The following SEM1 variants were observed in gnomAD, a reference collection of about 807,000 sequenced individuals.
The protein encoded by SEM1 is SEM1 26S proteasome subunit.
A neutral mutation model predicts 12.7 loss-of-function variants in SEM1; 3 were observed. That is an observed-to-expected ratio of 0.24 (90% CI 0.11 to 0.61). The LOEUF is 0.61. Among genes scored for constraint, SEM1 ranks in the 20% least tolerant of loss-of-function variants. SEM1 has a pLI of 0.88. For missense variants in SEM1, 59 were observed against 81.3 expected (o/e 0.73, Z 1.06); for synonymous variants, 30 against 27.8 (o/e 1.08, Z -0.25).
At chr7:96,623,695 G>A (rs968271298) in intron 2 of SEM1, among the ~76,000 whole-genome samples, 16 of 151,774 alleles carry the variant, frequency 1.1e-4, no homozygotes, top group African/African-American at 3.9e-4. Context: ...TGTTGGTGAT[G>A]CATACTCAAT....
At chr7:96,517,840 T>C (rs1260493124) in intron 2 of SEM1, among the ~76,000 whole-genome samples, 4 of 152,190 alleles carry the variant, frequency 2.6e-5, no homozygotes, top group Non-Finnish European at 5.9e-5. Context: ...CAGTCTCTAG[T>C]ATATTTGACA....
At chr7:96,590,092 A>G (rs1462565609) in intron 2 of SEM1, among the ~76,000 whole-genome samples, 1 of 152,188 alleles carries the variant, frequency 6.6e-6, no homozygotes, top group Non-Finnish European at 1.5e-5. Context: ...TAATCATCTC[A>G]TATTTCCCCA....
At chr7:96,504,283 A>G (rs546741332) in intron 3 of SEM1, among the ~76,000 whole-genome samples, 1 of 152,208 alleles carries the variant, frequency 6.6e-6, no homozygotes, top group South Asian at 2.1e-4. Context: ...TTTCTTACAG[A>G]ATCTGGAACT....
chr7:96,633,657 T>A (rs991590406), intron 2 of SEM1, among the ~76,000 whole-genome samples: 9 of 152,128 alleles, frequency 5.9e-5, no homozygotes, highest in Admixed American at 5.2e-4. Flanking sequence ...TCATTCTTAA[T>A]ATAGTAATCT....
chr7:96,514,170 G>A (rs1804018813), intron 2 of SEM1, among the ~76,000 whole-genome samples: 1 of 152,036 alleles, frequency 6.6e-6, no homozygotes, highest in Admixed American at 6.6e-5. Flanking sequence ...GAATTACTAA[G>A]TCAAATGTAC....
chr7:96,600,799 G>A (rs781690784), intron 2 of SEM1, among the ~76,000 whole-genome samples: 23 of 152,214 alleles, frequency 1.5e-4, no homozygotes, highest in Non-Finnish European at 2.8e-4. Flanking sequence ...CTTCCTGGAT[G>A]TCTCCCTCAG....
At chr7:96,630,099 G>A (rs1455445991) in intron 2 of SEM1, among the ~76,000 whole-genome samples, 1 of 152,188 alleles carries the variant, frequency 6.6e-6, no homozygotes, top group Non-Finnish European at 1.5e-5. Flanking sequence ...ACAGCATTGG[G>A]TGTTGCCCAA....
intron 2 of SEM1, among the ~76,000 whole-genome samples, chr7:96,527,870 G>A (rs2115691006): frequency 6.6e-6 from 1 of 152,142 alleles, no homozygotes; most frequent in Non-Finnish European, 1.5e-5. Flanking sequence ...CATGTTCTGA[G>A]TTCTTTTTTG....
intron 2 of SEM1, among the ~76,000 whole-genome samples, chr7:96,691,784 C>G (rs1789939469): frequency 6.6e-6 from 1 of 152,204 alleles, no homozygotes; most frequent in African/African-American, 2.4e-5. Flanking sequence ...AGTCCCTTAG[C>G]TGTGCTAGCC....
intron 2 of SEM1, among the ~76,000 whole-genome samples, chr7:96,675,025 C>G (rs1423334887): frequency 6.6e-6 from 1 of 152,194 alleles, no homozygotes; most frequent in African/African-American, 2.4e-5. Flanking sequence ...ACCCAACAGG[C>G]AGCATCGTTG....
rs184492064 is a variant in SEM1 at position 96,515,816 on chromosome 7, A to G, written c.171-9118T>C. On this transcript the variant is annotated intron_variant and NMD_transcript_variant, in intron 2 of 3. Coordinates refer to the SEM1 transcript ENST00000466986. ...CCACATGTTCTCACTCATAAGTAGGAGCTGAACAATGAGAACACAGGGACG... is the reference window on the plus strand; with the variant it reads ...CCACATGTTCTCACTCATAAGTAGGGGCTGAACAATGAGAACACAGGGACG... 4.1e-3 allele frequency among the ~76,000 whole-genome samples: 630 copies of G among 152,216 alleles called. 8 individuals carry two copies. Among genetic ancestry groups the G allele is most frequent in the Non-Finnish European group, 4.6e-3 (311 of 68,014 alleles).
chr7:96,651,832 C>CAAAGT (rs2116456838), intron 2 of SEM1, among the ~76,000 whole-genome samples: 1 of 152,300 alleles, frequency 6.6e-6, no homozygotes, highest in Non-Finnish European at 1.5e-5. Context: ...CTTGGCCTCC[C>CAAAGT]AAAGTACTGG....
At position 96,615,241 on chromosome 7, in the gene SEM1, C is replaced by CTTTTTTTT. The variant is rs60940244; in HGVS notation, c.170+79549_170+79556dup. ...ACTGTTGGGTTATTTTTTGAGTCATCTTTTTTTTTTTTTTTTTTTTTTTTG... is the reference window on the plus strand; with the variant it reads ...ACTGTTGGGTTATTTTTTGAGTCATCTTTTTTTTTTTTTTTTTTTTTTTTTTTTTTTTG... On this transcript the variant is annotated intron_variant and NMD_transcript_variant, in intron 2 of 3. Transcript: ENST00000466986. 4.1e-3 allele frequency among the ~76,000 whole-genome samples: 523 copies of CTTTTTTTT among 126,132 alleles called. 39 individuals are homozygous for CTTTTTTTT. The highest frequency in any genetic ancestry group is 0.014 in the African/African-American group (447 of 31,312). The allele number at this position is 126,132 out of a possible 152,430, so 82.7% of individuals were successfully genotyped here.
intron 2 of SEM1, among the ~76,000 whole-genome samples, chr7:96,512,975 A>G (rs569416380): frequency 2.9e-4 from 44 of 152,136 alleles, no homozygotes; most frequent in South Asian, 6.2e-4. Context: ...TGAATTACAC[A>G]CTGCCCCTCC....
chr7:96,484,884 C>T (rs1253525551), intron 2 of SEM1: 2 of 1,274,056 alleles, frequency 1.6e-6, no homozygotes, highest in East Asian at 1.1e-4. Flanking sequence ...TGATTCAAGT[C>T]TCTGGAATCC....
intron 2 of SEM1, chr7:96,656,375 T>C (rs946348639): frequency 6.6e-6 from 1 of 152,202 alleles, no homozygotes; most frequent in Admixed American, 6.5e-5. Flanking sequence ...CCAGCTTCCA[T>C]CTTGCAGCCT....
intron 2 of SEM1, among the ~76,000 whole-genome samples, chr7:96,693,597 AAAG>A (rs1484578987): frequency 6.6e-6 from 1 of 152,064 alleles, no homozygotes; most frequent in Non-Finnish European, 1.5e-5. Flanking sequence ...TTAAAACAAA[AAAG>A]AAAAATAAGT....
chr7:96,673,980 C>T (rs1484521423), intron 2 of SEM1: 8 of 636,762 alleles, frequency 1.3e-5, no homozygotes, highest in Admixed American at 2.4e-5. Flanking sequence ...ATGCCCCAGT[C>T]CCATCCCCAT....
chr7:96,667,164 TA>T, intron 2 of SEM1, among the ~76,000 whole-genome samples: 1 of 152,312 alleles, frequency 6.6e-6, no homozygotes, highest in East Asian at 1.9e-4. Flanking sequence ...TAAACATAGA[TA>T]AAGAGGCATA....
Sources: allele counts gnomAD v4.1 joint callset (sites outside exome capture counted in the v4.1 genomes callset), GRCh38; gene constraint gnomAD v4.1.1; transcripts MANE v1.5; gene names NCBI Gene and HGNC (gene_info 2026-07-23, HGNC 2026-07-21).